PABPC4L: variants seen among roughly 807,000 people sequenced by gnomAD.
PABPC4L encodes polyadenylate-binding protein 4-like.
For synonymous variants in PABPC4L, 169 were observed against 164.1 expected, an observed-to-expected ratio of 1.03 and a Z score of -0.23; for missense variants, 452 against 451.4, an observed-to-expected ratio of 1.00 and a Z score of -0.01.
At chr4:134,066,262 C>G in the PABPC4L span, among the ~76,000 whole-genome samples, 1 of 151,964 alleles carries the variant, frequency 6.6e-6, no homozygotes, top group African/African-American at 2.4e-5. Flanking sequence ...CATATTTCAC[C>G]TCACTGGTTA....
At chr4:133,950,040 G>C in the PABPC4L span, among the ~76,000 whole-genome samples, 3 of 152,240 alleles carry the variant, frequency 2.0e-5, no homozygotes, top group African/African-American at 7.2e-5. Flanking sequence ...TGCCCTTTGA[G>C]AGTTTGATTC....
chr4:134,145,607 T>C, the PABPC4L span, among the ~76,000 whole-genome samples: 3 of 151,880 alleles, frequency 2.0e-5, no homozygotes. Context: ...GAAAATGTTA[T>C]GCTAATAATC....
the PABPC4L span, among the ~76,000 whole-genome samples, chr4:134,045,067 G>A: frequency 3.3e-5 from 5 of 151,840 alleles, no homozygotes; most frequent in African/African-American, 1.2e-4. Flanking sequence ...TTCTTTGATC[G>A]CAAGAGGAAA....
the PABPC4L span, among the ~76,000 whole-genome samples, chr4:134,155,873 G>C: frequency 0.21 from 31,792 of 151,884 alleles, 4,131 homozygotes; most frequent in Non-Finnish European, 0.27. Flanking sequence ...ATGGATAGCT[G>C]TTAGTTTCTA....
the PABPC4L span, among the ~76,000 whole-genome samples, chr4:134,077,884 T>C: frequency 1.3e-5 from 2 of 152,164 alleles, no homozygotes; most frequent in Non-Finnish European, 2.9e-5. Flanking sequence ...ATCAATTAAA[T>C]ATTTATCTTT....
chr4:134,189,730 C>T, the PABPC4L span, among the ~76,000 whole-genome samples: 166 of 152,180 alleles, frequency 1.1e-3, 1 homozygote, highest in African/African-American at 3.7e-3. Flanking sequence ...GCACTATGAA[C>T]TTCATAAATG....
chr4:134,017,815 T>C, the PABPC4L span, among the ~76,000 whole-genome samples: 2 of 151,938 alleles, frequency 1.3e-5, no homozygotes, highest in African/African-American at 4.8e-5. Context: ...CAGCTTAATC[T>C]CTCCCACTCT....
chr4:134,014,735 C>A, the PABPC4L span, among the ~76,000 whole-genome samples: 5 of 151,880 alleles, frequency 3.3e-5, no homozygotes, highest in African/African-American at 1.2e-4. Context: ...TAAGTCTGTC[C>A]CCTTCTTAAT....
the PABPC4L span, among the ~76,000 whole-genome samples, chr4:134,171,446 T>C: frequency 6.6e-6 from 1 of 152,156 alleles, no homozygotes; most frequent in East Asian, 1.9e-4. Flanking sequence ...ACTGTTCATG[T>C]ACTTTGCCCA....
chr4:133,993,976 T>C, the PABPC4L span, among the ~76,000 whole-genome samples: 1 of 152,060 alleles, frequency 6.6e-6, no homozygotes, highest in East Asian at 1.9e-4. Flanking sequence ...ACTAACAATA[T>C]TGATAGGCTG....
At chr4:134,024,315 C>A in the PABPC4L span, among the ~76,000 whole-genome samples, 2 of 152,190 alleles carry the variant, frequency 1.3e-5, no homozygotes, top group African/African-American at 4.8e-5. Context: ...TCTACTTGGG[C>A]GCCATAACAA....
At chr4:134,035,725 G>GAC in the PABPC4L span, among the ~76,000 whole-genome samples, 1 of 151,762 alleles carries the variant, frequency 6.6e-6, no homozygotes, top group African/African-American at 2.4e-5. Flanking sequence ...TTATTTTCTG[G>GAC]ACATAGGCTC....
At chr4:134,039,639 G>T in the PABPC4L span, among the ~76,000 whole-genome samples, 1,632 of 152,084 alleles carry the variant, frequency 0.011, 28 homozygotes, top group African/African-American at 0.034. Context: ...GACTAGGATT[G>T]CAAGCCCTGC....
the PABPC4L span, among the ~76,000 whole-genome samples, chr4:134,045,547 A>G: frequency 6.6e-6 from 1 of 152,200 alleles, no homozygotes; most frequent in Admixed American, 6.5e-5. Flanking sequence ...CAGACATAGT[A>G]TGAAACAGAA....
chr4:134,003,322 C>T, the PABPC4L span, among the ~76,000 whole-genome samples: 8 of 151,878 alleles, frequency 5.3e-5, no homozygotes, highest in African/African-American at 1.9e-4. Context: ...ACTCAACATC[C>T]ATCACCTTCT....
chr4:133,975,115 T>C, the PABPC4L span, among the ~76,000 whole-genome samples: 2 of 152,070 alleles, frequency 1.3e-5, no homozygotes, highest in African/African-American at 2.4e-5. Context: ...TAACTGAAAA[T>C]TGGATCAACA....
the PABPC4L span, among the ~76,000 whole-genome samples, chr4:134,109,594 G>A: frequency 6.6e-6 from 1 of 151,552 alleles, no homozygotes; most frequent in East Asian, 1.9e-4. Context: ...AAAAATTCAA[G>A]AAATAAAGGA....
the PABPC4L span, among the ~76,000 whole-genome samples, chr4:134,045,343 C>A: frequency 6.6e-6 from 1 of 152,140 alleles, no homozygotes; most frequent in South Asian, 2.1e-4. Context: ...GTGCAGATAG[C>A]AATATCTCCT....
the PABPC4L span, among the ~76,000 whole-genome samples, chr4:134,133,100 ATATAATTATATATTATATAATATAT>A: frequency 5.9e-5 from 1 of 17,004 alleles, no homozygotes; most frequent in South Asian, 3.2e-3. Context: ...TATATATTAC[ATATAATTATATATTATATAATATAT>A]CATATTACAT....
Sources: allele counts gnomAD v4.1 joint callset (sites outside exome capture counted in the v4.1 genomes callset), GRCh38; gene constraint gnomAD v4.1.1; transcripts MANE v1.5; gene names NCBI Gene and HGNC (gene_info 2026-07-23, HGNC 2026-07-21).